C1orf21: variants seen among roughly 807,000 people sequenced by gnomAD.
C1orf21 encodes chromosome 1 open reading frame 21, also known as uncharacterized protein C1orf21.
C1orf21 carries 3 observed loss-of-function variants against 18.7 expected under a neutral mutation model. The observed-to-expected ratio is 0.16, with a 90% CI of 0.07 to 0.42. The LOEUF is 0.42. C1orf21 is among the 10% of genes least tolerant of loss of function. The pLI is 0.99. For missense variants in C1orf21, 104 were observed against 143.6 expected, an observed-to-expected ratio of 0.72 and a Z score of 1.41; for synonymous variants, 41 against 46.4, an observed-to-expected ratio of 0.88 and a Z score of 0.47.
At chr1:184,580,662 A>C (rs1659263335) in intron 3 of C1orf21, among the ~76,000 whole-genome samples, 1 of 152,244 alleles carries the variant, frequency 6.6e-6, no homozygotes. Flanking sequence ...TTCAACAAGC[A>C]TCAATGATTT....
chr1:184,538,972 G>A (rs1658602511), intron 3 of C1orf21, among the ~76,000 whole-genome samples: 1 of 149,860 alleles, frequency 6.7e-6, no homozygotes, highest in African/African-American at 2.4e-5. Context: ...TTTCTTTACA[G>A]TTTGAATACC....
chr1:184,559,477 T>TCCTTCCTTCCTTCCTTCCTTCTTTCCCC (rs1658922492), intron 3 of C1orf21, among the ~76,000 whole-genome samples: 1 of 108,828 alleles, frequency 9.2e-6, no homozygotes, highest in Non-Finnish European at 1.8e-5. Context: ...CTCCTTTCCC[T>TCCTTCCTTCCTTCCTTCCTTCTTTCCCC]CCTTCCTTCC....
At chr1:184,500,408 C>T (rs1277230098) in intron 2 of C1orf21, among the ~76,000 whole-genome samples, 1 of 152,114 alleles carries the variant, frequency 6.6e-6, no homozygotes, top group Non-Finnish European at 1.5e-5. Flanking sequence ...AAGGTGCTGT[C>T]GTGACAGAAG....
chr1:184,568,239 C>A (rs977524628), intron 3 of C1orf21, among the ~76,000 whole-genome samples: 2 of 152,190 alleles, frequency 1.3e-5, no homozygotes, highest in Non-Finnish European at 2.9e-5. Flanking sequence ...TAAAATTTAT[C>A]ATCTTAATCA....
intron 3 of C1orf21, among the ~76,000 whole-genome samples, chr1:184,525,464 A>G (rs1453735490): frequency 1.3e-5 from 2 of 152,088 alleles, no homozygotes; most frequent in African/African-American, 4.8e-5. Context: ...CATCCGTATC[A>G]TCACTGAGAA....
chr1:184,608,553 C>T (rs187725849), intron 5 of C1orf21, among the ~76,000 whole-genome samples: 50 of 152,324 alleles, frequency 3.3e-4, no homozygotes, highest in Non-Finnish European at 5.6e-4. Context: ...CTATTAATTG[C>T]TGTTCTTATT....
At chr1:184,594,068 G>T (rs925495746) in intron 4 of C1orf21, among the ~76,000 whole-genome samples, 4 of 152,136 alleles carry the variant, frequency 2.6e-5, no homozygotes, top group Non-Finnish European at 1.5e-5. Context: ...GGTTGTCAAG[G>T]TCCTCACTTT....
At chr1:184,449,334 A>G (rs1055571230) in intron 1 of C1orf21, among the ~76,000 whole-genome samples, 1 of 152,064 alleles carries the variant, frequency 6.6e-6, no homozygotes, top group African/African-American at 2.4e-5. Context: ...TTTGCTGAGA[A>G]TGATGGTTTC....
chr1:184,446,195 G>A (rs1469241445), intron 1 of C1orf21, among the ~76,000 whole-genome samples: 1 of 152,068 alleles, frequency 6.6e-6, no homozygotes, highest in Non-Finnish European at 1.5e-5. Context: ...ATGCCATCGA[G>A]AGATGCTCAG....
chr1:184,426,964 A>G (rs1392743149), intron 1 of C1orf21, among the ~76,000 whole-genome samples: 1 of 152,212 alleles, frequency 6.6e-6, no homozygotes, highest in African/African-American at 2.4e-5. Context: ...TAAAGGAACC[A>G]CAGGAAGATG....
At chr1:184,434,400 G>A (rs76175020) in intron 1 of C1orf21, among the ~76,000 whole-genome samples, 1 of 152,310 alleles carries the variant, frequency 6.6e-6, no homozygotes, top group Non-Finnish European at 1.5e-5. Context: ...CAGTCAGTCA[G>A]TAATTGTGTA....
At chr1:184,602,260 T>G (rs1659594374) in intron 5 of C1orf21, among the ~76,000 whole-genome samples, 1 of 152,176 alleles carries the variant, frequency 6.6e-6, no homozygotes, top group Admixed American at 6.5e-5. Flanking sequence ...TGGTACCATT[T>G]CACATGCTGG....
intron 3 of C1orf21, among the ~76,000 whole-genome samples, chr1:184,561,206 G>A (rs1658958624): frequency 6.6e-6 from 1 of 152,168 alleles, no homozygotes; most frequent in Non-Finnish European, 1.5e-5. Flanking sequence ...GCATTTTAAT[G>A]TGTTGCAGAG....
intron 3 of C1orf21, among the ~76,000 whole-genome samples, chr1:184,553,881 T>C (rs946321074): frequency 6.6e-6 from 1 of 152,356 alleles, no homozygotes; most frequent in South Asian, 2.1e-4. Context: ...AAAGAAAAGA[T>C]GGTAAAACTC....
intron 5 of C1orf21, among the ~76,000 whole-genome samples, chr1:184,603,453 A>T (rs893432132): frequency 6.6e-6 from 1 of 152,228 alleles, no homozygotes; most frequent in Non-Finnish European, 1.5e-5. Flanking sequence ...CATTTCAGAA[A>T]AACTCTGAGA....
intron 1 of C1orf21, among the ~76,000 whole-genome samples, chr1:184,394,371 C>G (rs1490834850): frequency 6.8e-6 from 1 of 146,842 alleles, no homozygotes; most frequent in Non-Finnish European, 1.5e-5. Context: ...TATGGTTTTT[C>G]CCACCTGAAC....
intron 5 of C1orf21, among the ~76,000 whole-genome samples, chr1:184,601,941 C>T (rs547839518): frequency 6.6e-6 from 1 of 152,044 alleles, no homozygotes; most frequent in East Asian, 1.9e-4. Context: ...TCAGCACCTA[C>T]TGAATACTAC....
At chr1:184,482,257 C>G (rs1396734775) in intron 2 of C1orf21, among the ~76,000 whole-genome samples, 1 of 152,222 alleles carries the variant, frequency 6.6e-6, no homozygotes, top group African/African-American at 2.4e-5. Context: ...CACAAGGCCA[C>G]TCTTTCCAGC....
chr1:184,390,394 G>A (rs1002662906), intron 1 of C1orf21, among the ~76,000 whole-genome samples: 1 of 152,200 alleles, frequency 6.6e-6, no homozygotes, highest in Non-Finnish European at 1.5e-5. Flanking sequence ...TTATCAATCA[G>A]GAGTGAGGGT....
Sources: allele counts gnomAD v4.1 joint callset (sites outside exome capture counted in the v4.1 genomes callset), GRCh38; gene constraint gnomAD v4.1.1; transcripts MANE v1.5; gene names NCBI Gene and HGNC (gene_info 2026-07-23, HGNC 2026-07-21).